OSBPL6: variants seen among roughly 807,000 people sequenced by gnomAD.
The protein encoded by OSBPL6 is oxysterol binding protein like 6, also known as oxysterol-binding protein-related protein 6.
In OSBPL6, 49 loss-of-function variants were observed where a neutral mutation model predicts 125.8. The observed-to-expected ratio is 0.39, with a 90% confidence interval of 0.31 to 0.49. The LOEUF (loss-of-function observed/expected upper bound fraction) is 0.49, where lower values mean the gene tolerates loss of function less well. Among genes scored for constraint, OSBPL6 ranks in the 20% least tolerant of loss-of-function variants. The pLI, the probability that OSBPL6 is intolerant of heterozygous loss-of-function variation, is 0.88. For missense variants in OSBPL6, 986 were observed against 1,135.4 expected (o/e 0.87, Z 1.89); for synonymous variants, 394 against 391.8 (o/e 1.01, Z -0.07).
chr2:178,230,988 G>C (rs572260908), intron 1 of OSBPL6, among the ~76,000 whole-genome samples: 12 of 152,176 alleles, frequency 7.9e-5, no homozygotes, highest in African/African-American at 2.9e-4. Flanking sequence ...TAGATACCTG[G>C]GGTTTGTCAT....
intron 1 of OSBPL6, among the ~76,000 whole-genome samples, chr2:178,245,154 A>G (rs1013172604): frequency 3.9e-5 from 6 of 152,196 alleles, no homozygotes; most frequent in Non-Finnish European, 8.8e-5. Flanking sequence ...TGTATGAGGA[A>G]TGCCTGCCTC....
intron 12 of OSBPL6, among the ~76,000 whole-genome samples, chr2:178,350,672 C>T (rs1034706208): frequency 2.0e-5 from 3 of 152,170 alleles, no homozygotes; most frequent in Non-Finnish European, 4.4e-5. Flanking sequence ...ATGTTCATTG[C>T]ATTTCTTAGC....
intron 2 of OSBPL6, among the ~76,000 whole-genome samples, chr2:178,289,935 C>T (rs763063660): frequency 7.9e-5 from 12 of 152,164 alleles, no homozygotes; most frequent in Admixed American, 2.0e-4. Flanking sequence ...GTGTACTTTA[C>T]GTAGTGCCAC....
At position 178,376,421 on chromosome 2, in the gene OSBPL6, AAT is replaced by A. The variant is rs536831360; in HGVS notation, c.1533+2396_1533+2397del. 3.3e-5 allele frequency among the ~76,000 whole-genome samples: 5 copies of A among 152,060 alleles called. No homozygotes were observed. In the East Asian group the frequency reaches 9.7e-4, roughly 29 times the overall value. ...CGGGTTCTATAGCTTCCATCATCTA[AAT>A]ACTCTCAGATTTGTACATCTTCCTG... is the stretch of plus-strand genomic sequence containing the variant. On this transcript the variant is annotated intron_variant, in intron 15 of 24. Transcript: ENST00000190611.
intron 12 of OSBPL6, among the ~76,000 whole-genome samples, chr2:178,358,876 A>G (rs1228589487): frequency 1.3e-5 from 2 of 152,230 alleles, no homozygotes; most frequent in Non-Finnish European, 2.9e-5. Flanking sequence ...CAAACCATGT[A>G]TCAGATAAGG....
intron 11 of OSBPL6, among the ~76,000 whole-genome samples, chr2:178,345,660 G>T (rs1574928972): frequency 6.6e-6 from 1 of 152,194 alleles, no homozygotes; most frequent in East Asian, 1.9e-4. Context: ...ATTATTAAAG[G>T]TAATTTTCCA....
In OSBPL6 at chr2:178,399,617, GGCA is replaced by G. The variant is rs952135640; in HGVS notation, c.*4061_*4063del. 2 of 152,176 alleles carry G rather than the reference GGCA, an allele frequency of 1.3e-5. No individual in the cohort carries two copies. The highest frequency in any genetic ancestry group is 4.8e-5 in the African/African-American group (2 of 41,462). 9.4% of individuals were successfully genotyped at this position (152,176 alleles called of 1,614,324 possible). On this transcript the variant is annotated 3_prime_UTR_variant, in exon 25 of 25. Transcript: ENST00000190611. ...TAAGCAAATGAAGCTTCATGATTAAGGCAGCTTACAGATAAGTGGAAAAGAACT... is the reference window on the plus strand; with the variant it reads ...TAAGCAAATGAAGCTTCATGATTAAGGCTTACAGATAAGTGGAAAAGAACT...
intron 1 of OSBPL6, among the ~76,000 whole-genome samples, chr2:178,197,900 A>T (rs1000912117): frequency 3.3e-5 from 5 of 152,366 alleles, no homozygotes; most frequent in African/African-American, 1.2e-4. Context: ...TAGTTGAAAG[A>T]TGAAGATGCA....
At chr2:178,347,837 C>G (rs1690868678) in intron 11 of OSBPL6, among the ~76,000 whole-genome samples, 1 of 152,180 alleles carries the variant, frequency 6.6e-6, no homozygotes, top group Non-Finnish European at 1.5e-5. Context: ...CCTTTGATAA[C>G]TCCAGATACC....
At chr2:178,284,854 T>C in intron 1 of OSBPL6, 73 bp from the exon 2 acceptor site, 2 of 392,886 alleles carry the variant, frequency 5.1e-6, no homozygotes, top group Non-Finnish European at 9.0e-6. Context: ...TGATTGGCCA[T>C]AGGCAGTCCC....
At chr2:178,308,509 T>C (rs922139325) in intron 3 of OSBPL6, among the ~76,000 whole-genome samples, 2 of 152,244 alleles carry the variant, frequency 1.3e-5, no homozygotes, top group African/African-American at 4.8e-5. Context: ...ATCTAGCACA[T>C]AGCTGAGAAT....
intron 12 of OSBPL6, among the ~76,000 whole-genome samples, chr2:178,353,629 C>T (rs1691496457): frequency 6.6e-6 from 1 of 152,134 alleles, no homozygotes; most frequent in South Asian, 2.1e-4. Context: ...GATAGGTTTA[C>T]CTAAAAGTGA....
chr2:178,216,880 A>G (rs2090116184), intron 1 of OSBPL6, among the ~76,000 whole-genome samples: 1 of 152,206 alleles, frequency 6.6e-6, no homozygotes, highest in South Asian at 2.1e-4. Context: ...ACTGTCAAGG[A>G]TGAGAGGCAA....
At chr2:178,352,652 T>TGGTCAG (rs1691384154) in intron 12 of OSBPL6, among the ~76,000 whole-genome samples, 1 of 152,164 alleles carries the variant, frequency 6.6e-6, no homozygotes, top group African/African-American at 2.4e-5. Context: ...TCCACCTCTG[T>TGGTCAG]GGTCAGGGCA....
At chr2:178,197,135 T>C (rs1490108360) in intron 1 of OSBPL6, among the ~76,000 whole-genome samples, 1 of 152,206 alleles carries the variant, frequency 6.6e-6, no homozygotes, top group Non-Finnish European at 1.5e-5. Flanking sequence ...ATAAAATTGC[T>C]GGTTTGTAGG....
intron 15 of OSBPL6, among the ~76,000 whole-genome samples, chr2:178,380,992 G>A (rs1056879843): frequency 2.6e-5 from 4 of 152,164 alleles, no homozygotes; most frequent in Non-Finnish European, 4.4e-5. Context: ...TTTCCTATAG[G>A]TGATGGGCTG....
At chr2:178,254,324 C>T (rs1036748648) in intron 1 of OSBPL6, among the ~76,000 whole-genome samples, 2 of 150,082 alleles carry the variant, frequency 1.3e-5, no homozygotes, top group South Asian at 2.1e-4. Context: ...ACCCGAGAGG[C>T]GGAGGTTGCA....
intron 3 of OSBPL6, among the ~76,000 whole-genome samples, chr2:178,306,723 T>C (rs919228884): frequency 2.6e-5 from 4 of 152,206 alleles, no homozygotes; most frequent in African/African-American, 9.7e-5. Flanking sequence ...GATTCAGGAA[T>C]TAGGTTACAG....
At chr2:178,304,105 G>A (rs1686540049) in intron 2 of OSBPL6, among the ~76,000 whole-genome samples, 1 of 152,108 alleles carries the variant, frequency 6.6e-6, no homozygotes, top group African/African-American at 2.4e-5. Context: ...CAGCAGGTTA[G>A]GGCCCTGTCT....
Sources: allele counts gnomAD v4.1 joint callset (sites outside exome capture counted in the v4.1 genomes callset), GRCh38; gene constraint gnomAD v4.1.1; transcripts MANE v1.5; gene names NCBI Gene and HGNC (gene_info 2026-07-23, HGNC 2026-07-21).